SORCS2: variants seen among roughly 807,000 people sequenced by gnomAD.
The protein encoded by SORCS2 is sortilin related VPS10 domain containing receptor 2.
SORCS2 carries 100 observed loss-of-function variants against 141.6 expected under a neutral mutation model. The ratio of observed to expected loss-of-function variants is 0.71; its 90% CI spans 0.60 to 0.83. The LOEUF is 0.83. SORCS2 is among the 40% of genes least tolerant of loss of function. The probability of loss-of-function intolerance (pLI) is 0.00; values close to 1 mark genes in which losing one functional copy is unlikely to be tolerated. For missense variants in SORCS2, 1,646 were observed against 1,560.2 expected (o/e 1.05, Z -0.93); for synonymous variants, 789 against 676.9 (o/e 1.17, Z -2.57).
intron 2 of SORCS2, among the ~76,000 whole-genome samples, chr4:7,446,363 G>A (rs1728002571): frequency 6.6e-6 from 1 of 152,222 alleles, no homozygotes; most frequent in Admixed American, 6.5e-5. Context: ...GGCGTCCGCA[G>A]CATCAGGGGC....
chr4:7,406,449 C>G (rs767845998), intron 2 of SORCS2, among the ~76,000 whole-genome samples: 1 of 147,946 alleles, frequency 6.8e-6, no homozygotes, highest in Non-Finnish European at 1.5e-5. Context: ...TCTGTTTTCT[C>G]ATGGTTCAAT....
chr4:7,406,131 T>G (rs1724954643), intron 2 of SORCS2, among the ~76,000 whole-genome samples: 1 of 152,128 alleles, frequency 6.6e-6, no homozygotes, highest in Non-Finnish European at 1.5e-5. Context: ...GGTGTGTTGT[T>G]GGGTTCAGTT....
chr4:7,259,481 G>T (rs1714165407), intron 1 of SORCS2, among the ~76,000 whole-genome samples: 1 of 152,142 alleles, frequency 6.6e-6, no homozygotes, highest in African/African-American at 2.4e-5. Context: ...TGTGCTGAGG[G>T]CGCTCTTCCT....
At chr4:7,592,978 T>C (rs1717018208) in intron 3 of SORCS2, among the ~76,000 whole-genome samples, 1 of 152,196 alleles carries the variant, frequency 6.6e-6, no homozygotes, top group South Asian at 2.1e-4. Flanking sequence ...TGACAACGTA[T>C]CCCAAACCCT....
intron 1 of SORCS2, among the ~76,000 whole-genome samples, chr4:7,388,006 A>C (rs1009262904): frequency 7.9e-5 from 12 of 151,390 alleles, no homozygotes; most frequent in Middle Eastern, 6.8e-3. Context: ...ACACACATGC[A>C]CATGCATACA....
rs1034023789 is a variant in SORCS2, at chr4:7,531,407, G to A, written c.549-123G>A. On this transcript the variant is annotated intron_variant, in intron 2 of 26. Coordinates refer to ENST00000507866, the MANE Select transcript of SORCS2 (RefSeq NM_020777.3). ...GCCCCCAGGCAGAGTGCCCAGGACT[G>A]TACTCAGGGTGTCTGGGGCACTCGG... The A allele has an allele frequency of 1.4e-5, 11 of 814,378 alleles. No individual in the cohort carries two copies. In the African/African-American group the frequency reaches 1.5e-4, roughly 11 times the overall value. The allele number at this position is 814,378 out of a possible 1,614,324, so 50.4% of individuals were successfully genotyped here.
At chr4:7,246,053 G>A (rs62289723) in intron 1 of SORCS2, among the ~76,000 whole-genome samples, 18,676 of 152,156 alleles carry the variant, frequency 0.12, 1,858 homozygotes, top group African/African-American at 0.28. Flanking sequence ...CAAATCCCTG[G>A]GTATCTGGGA....
chr4:7,730,135 C>G (rs1232254010), intron 23 of SORCS2, among the ~76,000 whole-genome samples: 1 of 152,124 alleles, frequency 6.6e-6, no homozygotes, highest in Non-Finnish European at 1.5e-5. Context: ...CTTTATTGCA[C>G]AGGACAACTT....
chr4:7,319,588 C>T (rs1327855591), intron 1 of SORCS2, among the ~76,000 whole-genome samples: 1 of 151,900 alleles, frequency 6.6e-6, no homozygotes, highest in Non-Finnish European at 1.5e-5. Flanking sequence ...GTGGTGCATG[C>T]TTGTGGTCCT....
At chr4:7,642,839 C>T (rs1340731914) in intron 4 of SORCS2, among the ~76,000 whole-genome samples, 5 of 152,180 alleles carry the variant, frequency 3.3e-5, no homozygotes, top group Non-Finnish European at 7.3e-5. Context: ...ACACTATTCT[C>T]ATGATGAGGG....
intron 3 of SORCS2, among the ~76,000 whole-genome samples, chr4:7,631,568 C>T (rs377198531): frequency 6.6e-6 from 1 of 152,256 alleles, no homozygotes; most frequent in East Asian, 1.9e-4. Context: ...GGGTGAGGGG[C>T]CCTCTCTGCT....
At chr4:7,487,672 G>A (rs1731075684) in intron 2 of SORCS2, among the ~76,000 whole-genome samples, 1 of 152,230 alleles carries the variant, frequency 6.6e-6, no homozygotes, top group African/African-American at 2.4e-5. Flanking sequence ...AGCGGTGATA[G>A]ACGGGGCCTC....
intron 17 of SORCS2, among the ~76,000 whole-genome samples, chr4:7,716,231 A>C (rs1279201383): frequency 1.3e-5 from 2 of 152,132 alleles, no homozygotes; most frequent in African/African-American, 2.4e-5. Flanking sequence ...GAAAATCCCC[A>C]TTACTTCCCC....
At position 7,373,458 on chromosome 4, in the gene SORCS2, TTATA is replaced by T. The variant is rs1553850461; in HGVS notation, c.481-22812_481-22809del. ...TGTTGTATTGAATTGTGAGAAACTT[TTATA>T]TATATATATATATATATTTTTTTTT... On this transcript the variant is annotated intron_variant, in intron 1 of 26. Coordinates refer to ENST00000507866, the MANE Select transcript of SORCS2 (RefSeq NM_020777.3). Among the ~76,000 whole-genome samples the T allele has an allele frequency of 1.1e-3, 89 of 82,832 alleles. 7 individuals are homozygous for T. Among genetic ancestry groups the T allele is most frequent in the African/African-American group, 4.5e-3 (63 of 14,074 alleles). The allele number at this position is 82,832 out of a possible 152,430, so 54.3% of individuals were successfully genotyped here.
chr4:7,283,712 C>T (rs1426520354), intron 1 of SORCS2, among the ~76,000 whole-genome samples: 1 of 152,130 alleles, frequency 6.6e-6, no homozygotes, highest in East Asian at 1.9e-4. Flanking sequence ...CAGTTCAAGG[C>T]CAGGGTTTCC....
chr4:7,600,656 TACACACACACACACACAC>T (rs57789330), intron 3 of SORCS2, among the ~76,000 whole-genome samples: 10 of 140,986 alleles, frequency 7.1e-5, no homozygotes, highest in African/African-American at 1.9e-4. Flanking sequence ...CATATATATA[TACACACACACACACACAC>T]ACACACACAC....
intron 3 of SORCS2, among the ~76,000 whole-genome samples, chr4:7,631,690 G>T (rs543548309): frequency 1.3e-4 from 20 of 152,244 alleles, no homozygotes; most frequent in South Asian, 4.1e-4. Flanking sequence ...ATCCCGGGGG[G>T]TCCACACCTA....
At chr4:7,470,571 C>T (rs973222987) in intron 2 of SORCS2, among the ~76,000 whole-genome samples, 2 of 152,164 alleles carry the variant, frequency 1.3e-5, no homozygotes, top group East Asian at 1.9e-4. Context: ...AAGGAGAACC[C>T]GGTAGCTGCT....
chr4:7,457,094 G>A (rs1728958675), intron 2 of SORCS2, among the ~76,000 whole-genome samples: 1 of 152,078 alleles, frequency 6.6e-6, no homozygotes, highest in South Asian at 2.1e-4. Context: ...CACACAGTAG[G>A]TGTCAAAAAT....
Sources: allele counts gnomAD v4.1 joint callset (sites outside exome capture counted in the v4.1 genomes callset), GRCh38; gene constraint gnomAD v4.1.1; transcripts MANE v1.5; gene names NCBI Gene and HGNC (gene_info 2026-07-23, HGNC 2026-07-21).